MAGI2: variants seen among roughly 807,000 people sequenced by gnomAD.
MAGI2 encodes the protein membrane associated guanylate kinase, WW and PDZ domain containing 2.
A neutral mutation model predicts 133.3 loss-of-function variants in MAGI2; 35 were observed. The ratio of observed to expected loss-of-function variants is 0.26; its 90% CI spans 0.20 to 0.35. The LOEUF is 0.35. Among genes scored for constraint, MAGI2 ranks in the 10% least tolerant of loss-of-function variants. The pLI, the probability that MAGI2 is intolerant of heterozygous loss-of-function variation, is 1.00. For synonymous variants in MAGI2, 729 were observed against 710.6 expected (o/e 1.03, Z -0.41); for missense variants, 1,636 against 1,863.4 (o/e 0.88, Z 2.25).
intron 1 of MAGI2, among the ~76,000 whole-genome samples, chr7:79,233,938 G>A (rs1336188848): frequency 1.3e-5 from 2 of 149,808 alleles, no homozygotes; most frequent in African/African-American, 4.9e-5. Context: ...AGTACTGGTT[G>A]TTCCTTTCCA....
intron 1 of MAGI2, among the ~76,000 whole-genome samples, chr7:79,264,618 G>A (rs545347251): frequency 6.6e-6 from 1 of 152,182 alleles, no homozygotes; most frequent in African/African-American, 2.4e-5. Flanking sequence ...AAATATTTAA[G>A]AGCTAAAAGA....
At chr7:78,925,595 A>G (rs1032002454) in intron 2 of MAGI2, among the ~76,000 whole-genome samples, 4 of 152,024 alleles carry the variant, frequency 2.6e-5, no homozygotes, top group Non-Finnish European at 5.9e-5. Flanking sequence ...ATAAAAATGG[A>G]ATTTTCCAGA....
intron 2 of MAGI2, among the ~76,000 whole-genome samples, chr7:78,728,951 G>A (rs2151219694): frequency 6.6e-6 from 1 of 152,186 alleles, no homozygotes; most frequent in South Asian, 2.1e-4. Flanking sequence ...TTTTCTCACA[G>A]GGTACAACTA....
chr7:78,566,006 G>A (rs757072248), intron 3 of MAGI2, among the ~76,000 whole-genome samples: 82 of 152,282 alleles, frequency 5.4e-4, no homozygotes, highest in Admixed American at 9.1e-4. Context: ...AGAGAACAGT[G>A]TGTAAAGATA....
rs572876221 is a variant in MAGI2, at chr7:78,715,505, A to T, written c.419-88266T>A. 1.1e-4 allele frequency among the ~76,000 whole-genome samples: 17 copies of T among 152,326 alleles called. 2 individuals are homozygous for T. Among genetic ancestry groups the T allele is most frequent in the African/African-American group, 4.1e-4 (17 of 41,588 alleles). The stretch of plus-strand genomic sequence containing the variant: ...TAAATCTTTAATCTCAATCTACATG[A>T]TATAGATTTAAGTAATAACTCAATG... On this transcript the variant is annotated intron_variant, in intron 2 of 21. Transcript: ENST00000354212.
intron 7 of MAGI2, among the ~76,000 whole-genome samples, chr7:78,360,436 C>T (rs992745277): frequency 6.6e-5 from 10 of 152,150 alleles, no homozygotes; most frequent in African/African-American, 1.7e-4. Context: ...AGAACTTAAT[C>T]TCAGTCTAAG....
intron 2 of MAGI2, among the ~76,000 whole-genome samples, chr7:78,918,993 T>C (rs918875635): frequency 1.3e-5 from 2 of 152,154 alleles, no homozygotes; most frequent in Non-Finnish European, 2.9e-5. Context: ...TAAAAATGTA[T>C]ATTAGATTCT....
intron 1 of MAGI2, among the ~76,000 whole-genome samples, chr7:79,164,260 T>C (rs1824709163): frequency 6.6e-6 from 1 of 152,040 alleles, no homozygotes; most frequent in Non-Finnish European, 1.5e-5. Context: ...TGGCAGGTTT[T>C]ATTTAACCGT....
intron 1 of MAGI2, among the ~76,000 whole-genome samples, chr7:79,202,678 G>T (rs1474503326): frequency 6.6e-6 from 1 of 151,986 alleles, no homozygotes; most frequent in Non-Finnish European, 1.5e-5. Context: ...AGTAATGACT[G>T]CATAAGCTTA....
chr7:78,735,215 T>C (rs1433762307), intron 2 of MAGI2, among the ~76,000 whole-genome samples: 1 of 152,184 alleles, frequency 6.6e-6, no homozygotes, highest in Non-Finnish European at 1.5e-5. Flanking sequence ...TACATTATAA[T>C]GTATATCAGA....
intron 1 of MAGI2, among the ~76,000 whole-genome samples, chr7:79,040,293 C>T (rs1811536826): frequency 6.6e-6 from 1 of 152,066 alleles, no homozygotes; most frequent in South Asian, 2.1e-4. Context: ...TTTCCGGAGG[C>T]CTCCCCAGCC....
chr7:78,559,407 T>A (rs1800187537), intron 3 of MAGI2, among the ~76,000 whole-genome samples: 1 of 152,016 alleles, frequency 6.6e-6, no homozygotes, highest in African/African-American at 2.4e-5. Context: ...AAAGGGTCAA[T>A]AATAGGTACA....
intron 2 of MAGI2, among the ~76,000 whole-genome samples, chr7:78,670,167 A>C (rs560166566): frequency 6.6e-6 from 1 of 152,112 alleles, no homozygotes; most frequent in Non-Finnish European, 1.5e-5. Context: ...GTATATCTAG[A>C]AAACCCCATT....
At chr7:78,307,005 T>C (rs756998897) in intron 9 of MAGI2, among the ~76,000 whole-genome samples, 38 of 152,258 alleles carry the variant, frequency 2.5e-4, no homozygotes, top group South Asian at 1.5e-3. Context: ...GCACAAAATA[T>C]ACCCTGGAAA....
intron 1 of MAGI2, among the ~76,000 whole-genome samples, chr7:79,023,924 A>G (rs893840864): frequency 3.3e-5 from 5 of 152,206 alleles, no homozygotes; most frequent in South Asian, 2.1e-4. Flanking sequence ...AGCAATTTAC[A>G]GATTTAATAC....
chr7:78,078,732 A>C (rs1313947265), intron 21 of MAGI2: 15 of 610,772 alleles, frequency 2.5e-5, no homozygotes, highest in Admixed American at 6.5e-5. Context: ...GGAGGGAGCA[A>C]AAGAAAGAGT....
At chr7:78,239,619 A>C (rs553509989) in intron 10 of MAGI2, among the ~76,000 whole-genome samples, 1 of 152,370 alleles carries the variant, frequency 6.6e-6, no homozygotes, top group South Asian at 2.1e-4. Context: ...TATTTATCAC[A>C]AAAAGATATA....
intron 2 of MAGI2, among the ~76,000 whole-genome samples, chr7:78,692,787 T>C (rs1817105672): frequency 6.6e-6 from 1 of 152,198 alleles, no homozygotes; most frequent in Admixed American, 6.5e-5. Flanking sequence ...GTGGCTGTAT[T>C]GTCTAAATAA....
At chr7:79,339,104 C>A (rs532057723) in intron 1 of MAGI2, among the ~76,000 whole-genome samples, 1 of 151,674 alleles carries the variant, frequency 6.6e-6, no homozygotes, top group African/African-American at 2.4e-5. Flanking sequence ...TATGTTTTGC[C>A]GTAAGTTATT....
Sources: gnomAD v4.1 joint callset for allele counts (sites outside exome capture counted in the v4.1 genomes callset) on GRCh38, gnomAD v4.1.1 for gene constraint, MANE v1.5 for transcripts, NCBI Gene and HGNC (gene_info 2026-07-23, HGNC 2026-07-21) for gene names.